Variants in AGBL1 observed in about 807,000 individuals in gnomAD.
AGBL1 encodes the protein cytosolic carboxypeptidase 4.
Under a neutral mutation model 118.9 loss-of-function variants are expected in AGBL1, and 130 were observed. The ratio of observed to expected loss-of-function variants is 1.09; its 90% CI spans 0.95 to 1.26. The LOEUF (loss-of-function observed/expected upper bound fraction) is 1.26. Among genes scored for constraint, AGBL1 ranks in the 50% most tolerant of loss-of-function variants. AGBL1 has a pLI of 0.00. For missense variants in AGBL1, 1,584 were observed against 1,298.1 expected (o/e 1.22, Z -3.38); for synonymous variants, 555 against 478.9 (o/e 1.16, Z -2.08).
chr15:86,887,005 G>A (rs1183188830), intron 22 of AGBL1, among the ~76,000 whole-genome samples: 1 of 152,150 alleles, frequency 6.6e-6, no homozygotes, highest in African/African-American at 2.4e-5. Flanking sequence ...AATGCCCAAG[G>A]TTAGTGGAAT....
chr15:86,503,951 T>C (rs2082945870), intron 18 of AGBL1, among the ~76,000 whole-genome samples: 1 of 151,648 alleles, frequency 6.6e-6, no homozygotes, highest in African/African-American at 2.4e-5. Flanking sequence ...TGTTTCATAT[T>C]GTTATGCAAA....
chr15:86,730,596 C>G (rs1263378765), intron 22 of AGBL1, among the ~76,000 whole-genome samples: 1 of 152,116 alleles, frequency 6.6e-6, no homozygotes, highest in East Asian at 1.9e-4. Context: ...AGTGCATGGG[C>G]TGCCATTTGC....
intron 18 of AGBL1, among the ~76,000 whole-genome samples, chr15:86,489,784 G>A (rs887838072): frequency 1.3e-5 from 2 of 152,034 alleles, no homozygotes; most frequent in African/African-American, 4.8e-5. Context: ...CTGACCTCTG[G>A]TCTAGATGAT....
intron 21 of AGBL1, among the ~76,000 whole-genome samples, chr15:86,657,641 T>G (rs768335055): frequency 1.1e-4 from 16 of 152,156 alleles, no homozygotes; most frequent in Non-Finnish European, 2.1e-4. Flanking sequence ...TAGTTAATGG[T>G]TTTCCCTAGA....
intron 21 of AGBL1, among the ~76,000 whole-genome samples, chr15:86,631,842 T>C (rs574284958): frequency 6.6e-6 from 1 of 152,300 alleles, no homozygotes; most frequent in East Asian, 1.9e-4. Context: ...CTTTTGTTGA[T>C]GGTTTCTTCC....
intron 5 of AGBL1, among the ~76,000 whole-genome samples, chr15:86,205,960 T>C (rs2077985076): frequency 6.6e-6 from 1 of 152,200 alleles, no homozygotes; most frequent in Admixed American, 6.5e-5. Context: ...GTATTTCTCC[T>C]AATGCTATCC....
chr15:86,589,406 A>G (rs975603702), intron 21 of AGBL1, among the ~76,000 whole-genome samples: 3 of 152,210 alleles, frequency 2.0e-5, no homozygotes, highest in African/African-American at 7.2e-5. Context: ...TGTTAGTCAC[A>G]TAGCCCATGA....
At chr15:86,387,211 G>A (rs903729927) in intron 17 of AGBL1, among the ~76,000 whole-genome samples, 3 of 152,154 alleles carry the variant, frequency 2.0e-5, no homozygotes, top group Non-Finnish European at 4.4e-5. Context: ...TCAGGTGGAA[G>A]GACAATGAGA....
At chr15:86,739,821 G>C (rs1388038234) in intron 22 of AGBL1, among the ~76,000 whole-genome samples, 3 of 152,126 alleles carry the variant, frequency 2.0e-5, no homozygotes, top group Non-Finnish European at 2.9e-5. Context: ...AGAGAGGACT[G>C]GATACCTCCA....
intron 22 of AGBL1, among the ~76,000 whole-genome samples, chr15:86,767,034 T>A (rs577247935): frequency 2.4e-4 from 36 of 152,146 alleles, no homozygotes; most frequent in African/African-American, 8.7e-4. Context: ...TATTAAATAG[T>A]AATCATGTTT....
At chr15:86,296,407 G>A (rs2079642415) in intron 17 of AGBL1, 1 of 152,152 alleles carries the variant, frequency 6.6e-6, no homozygotes, top group South Asian at 2.1e-4. Context: ...GGAAGATACA[G>A]CCTTCCCTGA....
At position 86,223,494 on chromosome 15, in the gene AGBL1, A is replaced by G. The variant is rs60788572; in HGVS notation, c.489-1420A>G. Among the ~76,000 whole-genome samples, 735 of 152,316 alleles carry G rather than the reference A, an allele frequency of 4.8e-3. 7 individuals carry two copies. The highest frequency in any genetic ancestry group is 0.017 in the African/African-American group (703 of 41,574). On this transcript the variant is annotated intron_variant, in intron 5 of 22. Coordinates refer to ENST00000614907, the MANE Select transcript of AGBL1 (RefSeq NM_001386094.1). Reference sequence around the variant, plus strand: ...TCACACAACTTGAATTTTCAGAAACACCTTCCATGTGTTCCGTTTTCAATC... The same window carrying G: ...TCACACAACTTGAATTTTCAGAAACGCCTTCCATGTGTTCCGTTTTCAATC...
chr15:86,851,559 T>G, intron 22 of AGBL1, among the ~76,000 whole-genome samples: 1 of 152,288 alleles, frequency 6.6e-6, no homozygotes, highest in South Asian at 2.1e-4. Context: ...AACATCTTTA[T>G]TATAAGAGCA....
At chr15:86,329,404 C>T (rs1175178065) in intron 17 of AGBL1, among the ~76,000 whole-genome samples, 1 of 151,888 alleles carries the variant, frequency 6.6e-6, no homozygotes, top group Non-Finnish European at 1.5e-5. Flanking sequence ...GCTGTCTCAC[C>T]CTTCCTGTGC....
intron 17 of AGBL1, among the ~76,000 whole-genome samples, chr15:86,327,889 G>T (rs2141855816): frequency 1.3e-5 from 2 of 152,292 alleles, no homozygotes; most frequent in Admixed American, 1.3e-4. Context: ...GTGTGTCGGG[G>T]TACGTCCTCC....
chr15:86,512,620 T>G (rs2083065618), intron 18 of AGBL1, among the ~76,000 whole-genome samples: 1 of 151,802 alleles, frequency 6.6e-6, no homozygotes, highest in South Asian at 2.1e-4. Flanking sequence ...TCTTAGTATT[T>G]CTTTTGATCC....
At chr15:86,593,185 C>T (rs756825799) in intron 21 of AGBL1, among the ~76,000 whole-genome samples, 11 of 152,104 alleles carry the variant, frequency 7.2e-5, no homozygotes, top group Non-Finnish European at 1.2e-4. Flanking sequence ...TTTGACATGT[C>T]CTTATTCTGT....
downstream of AGBL1, among the ~76,000 whole-genome samples, chr15:86,917,648 C>T (rs1200269186): frequency 6.6e-6 from 1 of 152,030 alleles, no homozygotes; most frequent in African/African-American, 2.4e-5. The surrounding 1 kb of genome is among the most constrained non-coding windows in gnomAD (Gnocchi z 4.8). Flanking sequence ...TGGAGACTTC[C>T]TTTAGTGAGG....
At chr15:86,574,681 G>A (rs960065337) in intron 21 of AGBL1, among the ~76,000 whole-genome samples, 12 of 144,762 alleles carry the variant, frequency 8.3e-5, no homozygotes, top group Admixed American at 2.9e-4. Flanking sequence ...AGGTTCAAGC[G>A]ATTCTTCTGC....
Sources: allele counts gnomAD v4.1 joint callset (sites outside exome capture counted in the v4.1 genomes callset), GRCh38; gene constraint gnomAD v4.1.1; non-coding constraint Gnocchi (gnomAD v3.1); transcripts MANE v1.5; gene names NCBI Gene and HGNC (gene_info 2026-07-23, HGNC 2026-07-21).